Variants in TMED3 observed in about 807,000 individuals in gnomAD.
TMED3 encodes the protein transmembrane p24 trafficking protein 3, also known as transmembrane emp24 domain-containing protein 3.
TMED3 carries 9 observed loss-of-function variants against 15.0 expected under a neutral mutation model. That is an observed-to-expected ratio of 0.60 (90% CI 0.36 to 1.04). TMED3 has a LOEUF of 1.04. TMED3 is among the 50% of genes least tolerant of loss of function. The pLI is 0.01. For missense variants in TMED3, 267 were observed against 278.9 expected (o/e 0.96, Z 0.30); for synonymous variants, 117 against 121.4 (o/e 0.96, Z 0.24).
At chr15:79,405,464 C>G (rs1336525803) in intron 2 of TMED3, among the ~76,000 whole-genome samples, 1 of 152,210 alleles carries the variant, frequency 6.6e-6, no homozygotes, top group African/African-American at 2.4e-5. Context: ...TCCAGCATGT[C>G]TGATAAATGA....
chr15:79,324,020 T>A (rs1389798452), downstream of TMED3, among the ~76,000 whole-genome samples: 3 of 152,190 alleles, frequency 2.0e-5, no homozygotes, highest in African/African-American at 7.2e-5. Flanking sequence ...AGACAGAGTC[T>A]CACTCTGTCG....
intron 2 of TMED3, among the ~76,000 whole-genome samples, chr15:79,317,373 TC>T: frequency 6.6e-6 from 1 of 152,322 alleles, no homozygotes; most frequent in South Asian, 2.1e-4. Context: ...TGACTCTGGG[TC>T]CTGGGAGAAG....
At chr15:79,382,894 A>C in intron 2 of TMED3, 1 of 1,411,204 alleles carries the variant, frequency 7.1e-7, no homozygotes, top group Non-Finnish European at 9.7e-7. Context: ...TGTTCTTACC[A>C]ACACAATATA....
intron 2 of TMED3, among the ~76,000 whole-genome samples, chr15:79,350,304 C>T (rs139813723): frequency 5.9e-5 from 9 of 152,220 alleles, no homozygotes; most frequent in Admixed American, 2.6e-4. Flanking sequence ...AGAATTGACT[C>T]ACATAATCAC....
chr15:79,348,695 G>T (rs1225739386), intron 2 of TMED3, among the ~76,000 whole-genome samples: 3 of 152,212 alleles, frequency 2.0e-5, no homozygotes, highest in Non-Finnish European at 4.4e-5. Flanking sequence ...GAATCATACA[G>T]TAGTTCTGTT....
At chr15:79,340,821 C>T (rs1236765033) in intron 2 of TMED3, among the ~76,000 whole-genome samples, 1 of 152,122 alleles carries the variant, frequency 6.6e-6, no homozygotes, top group African/African-American at 2.4e-5. Flanking sequence ...TTCATACATC[C>T]ATTCACTTAT....
intron 2 of TMED3, among the ~76,000 whole-genome samples, chr15:79,398,442 T>A (rs1401642049): frequency 6.6e-6 from 1 of 152,112 alleles, no homozygotes; most frequent in Non-Finnish European, 1.5e-5. Context: ...TCCTACAATC[T>A]GCTGCCTACA....
chr15:79,385,236 A>G (rs1359715760), intron 2 of TMED3, among the ~76,000 whole-genome samples: 1 of 152,164 alleles, frequency 6.6e-6, no homozygotes, highest in Non-Finnish European at 1.5e-5. Context: ...TCAGGCATGC[A>G]CAGAGACCCA....
intron 2 of TMED3, among the ~76,000 whole-genome samples, chr15:79,375,834 C>T (rs1055668363): frequency 6.6e-6 from 1 of 152,166 alleles, no homozygotes; most frequent in Admixed American, 6.5e-5. Flanking sequence ...CACATCTGAA[C>T]TATTCAGGGT....
chr15:79,352,639 C>T (rs968038103), intron 2 of TMED3, among the ~76,000 whole-genome samples: 35 of 138,698 alleles, frequency 2.5e-4, no homozygotes, highest in Admixed American at 3.1e-4. Context: ...TTTCTCAAAG[C>T]GGAAAACACA....
At chr15:79,393,062 A>G (rs1303217335) in intron 2 of TMED3, among the ~76,000 whole-genome samples, 2 of 152,044 alleles carry the variant, frequency 1.3e-5, no homozygotes, top group East Asian at 3.9e-4. Context: ...CTGGCTTTTC[A>G]TTTTCACCCA....
At chr15:79,373,261 T>C (rs1215755114) in intron 2 of TMED3, among the ~76,000 whole-genome samples, 1 of 152,222 alleles carries the variant, frequency 6.6e-6, no homozygotes, top group Admixed American at 6.5e-5. Context: ...AGGGCTGCAT[T>C]TTCAACAGGA....
At chr15:79,324,147 C>G (rs142223869), downstream of TMED3, among the ~76,000 whole-genome samples, 1 of 152,150 alleles carries the variant, frequency 6.6e-6, no homozygotes, top group Non-Finnish European at 1.5e-5. Flanking sequence ...CCCGCCACCA[C>G]GCCCGGCTAA....
chr15:79,348,343 T>G (rs182808958), intron 2 of TMED3, among the ~76,000 whole-genome samples: 1 of 152,206 alleles, frequency 6.6e-6, no homozygotes, highest in Non-Finnish European at 1.5e-5. Context: ...GAATTTTTCT[T>G]ATTGCTACAT....
intron 2 of TMED3, chr15:79,314,449 A>G: frequency 2.3e-6 from 1 of 425,748 alleles, no homozygotes; most frequent in Non-Finnish European, 4.8e-6. Flanking sequence ...TCTCATGCAT[A>G]ATCTAGAAAA....
At chr15:79,341,601 C>T (rs140012716) in intron 2 of TMED3, among the ~76,000 whole-genome samples, 2 of 152,268 alleles carry the variant, frequency 1.3e-5, no homozygotes, top group South Asian at 2.1e-4. Flanking sequence ...GAACAGCTGC[C>T]AAGCCCAGTA....
intron 2 of TMED3, among the ~76,000 whole-genome samples, chr15:79,385,050 C>A (rs956348982): frequency 3.9e-5 from 6 of 152,178 alleles, no homozygotes; most frequent in South Asian, 2.1e-4. Context: ...GGTGATGGCC[C>A]ACCTGGGAGT....
intron 2 of TMED3, among the ~76,000 whole-genome samples, chr15:79,373,628 C>G (rs759609573): frequency 7.9e-5 from 12 of 152,094 alleles, no homozygotes; most frequent in Non-Finnish European, 1.5e-4. Context: ...AGAGTCAAAC[C>G]CTGTAAGCTA....
At chr15:79,364,991 C>T (rs551243580) in intron 2 of TMED3, among the ~76,000 whole-genome samples, 13 of 152,340 alleles carry the variant, frequency 8.5e-5, no homozygotes, top group East Asian at 7.7e-4. Context: ...AAGCTGTCTG[C>T]GGATGGCAGG....
Sources: allele counts gnomAD v4.1 joint callset (sites outside exome capture counted in the v4.1 genomes callset), GRCh38; gene constraint gnomAD v4.1.1; transcripts MANE v1.5; gene names NCBI Gene and HGNC (gene_info 2026-07-23, HGNC 2026-07-21).